CNGB1: variants seen among roughly 807,000 people sequenced by gnomAD.
CNGB1 encodes the protein cyclic nucleotide-gated channel beta-1.
In CNGB1, 126 loss-of-function variants were observed where a neutral mutation model predicts 151.7. The observed-to-expected ratio is 0.83, with a 90% CI of 0.72 to 0.96. The LOEUF (loss-of-function observed/expected upper bound fraction) is 0.96. Ranked by LOEUF, CNGB1 falls within the 40% of genes least tolerant of loss-of-function variation. The pLI is 0.00. For missense variants in CNGB1, 1,698 were observed against 1,627.0 expected, an observed-to-expected ratio of 1.04 and a Z score of -0.75; for synonymous variants, 623 against 635.1, an observed-to-expected ratio of 0.98 and a Z score of 0.29.
chr16:57,969,122 ATGG>A (rs1446337499), intron 1 of CNGB1, among the ~76,000 whole-genome samples: 1 of 152,142 alleles, frequency 6.6e-6, no homozygotes, highest in Admixed American at 6.6e-5. Flanking sequence ...CCTAGCCAAC[ATGG>A]TGAAACCCCA....
intron 1 of CNGB1, among the ~76,000 whole-genome samples, chr16:57,967,726 T>C (rs565870916): frequency 4.9e-4 from 75 of 152,106 alleles, no homozygotes; most frequent in African/African-American, 1.8e-3. Context: ...CACATACATA[T>C]ATATATTTGA....
In CNGB1 at chr16:57,919,116, C is replaced by T. The variant is rs955856871; in HGVS notation, c.1940G>A (p.Ser647Asn). ...RPWKKYQFPQSIDPLTNLMYV... is the reference protein window; with the variant it reads ...RPWKKYQFPQNIDPLTNLMYV... ...GGACTCACTGGTCAGCGGGTCAATGCTCTGGGGAAACTGGTACTTCTTCCA... is the reference window on the plus strand; with the variant it reads ...GGACTCACTGGTCAGCGGGTCAATGTTCTGGGGAAACTGGTACTTCTTCCA... The change falls in exon 20 of 33, where the codon AGC (serine) becomes AAC (asparagine). Residue 647 changes from serine (S) to asparagine (N), a missense_variant. Ser to Asn is a conservative substitution (Grantham distance 46, BLOSUM62 1). Coordinates refer to ENST00000251102, the MANE Select transcript of CNGB1 (RefSeq NM_001297.5). 15 of 1,614,104 alleles carry T rather than the reference C, an allele frequency of 9.3e-6. No individual in the cohort carries two copies. Among genetic ancestry groups the T allele is most frequent in the Non-Finnish European group, 1.3e-5 (15 of 1,180,060 alleles).
intron 14 of CNGB1, among the ~76,000 whole-genome samples, chr16:57,943,980 C>T (rs1961737519): frequency 6.6e-6 from 1 of 151,924 alleles, no homozygotes; most frequent in Non-Finnish European, 1.5e-5. Context: ...CTCAGCCTCC[C>T]GAGTTCAAGT....
In CNGB1 at chr16:57,883,923, TGA is replaced by T; in HGVS notation, c.*239_*240del. On this transcript the variant is annotated 3_prime_UTR_variant, in exon 33 of 33. Coordinates refer to ENST00000251102, the MANE Select transcript of CNGB1 (RefSeq NM_001297.5). ...AAAAGGTAGGGCTCTCAAATGATAG[TGA>T]GAGCTCAGGGACTCGAACACTTGAT... is the stretch of plus-strand genomic sequence containing the variant. 3 of 599,592 alleles carry T rather than the reference TGA, an allele frequency of 5.0e-6. No individual in the cohort carries two copies. The Admixed American group carries it at 8.9e-5, about 18-fold the overall frequency. The allele number at this position is 599,592 out of a possible 1,614,324, so 37.1% of individuals were successfully genotyped here. A position where few individuals can be genotyped will look rare whatever the true frequency, so the allele number is the denominator to read the frequency against.
At chr16:57,909,878 T>C (rs538788142) in intron 25 of CNGB1, among the ~76,000 whole-genome samples, 48 of 152,280 alleles carry the variant, frequency 3.2e-4, no homozygotes, top group African/African-American at 1.1e-3. Context: ...CGTGTAACCT[T>C]GGGAACTCCC....
intron 16 of CNGB1, among the ~76,000 whole-genome samples, chr16:57,934,405 A>G (rs1158619673): frequency 6.6e-6 from 1 of 152,144 alleles, no homozygotes; most frequent in Non-Finnish European, 1.5e-5. Flanking sequence ...ACTACACTCC[A>G]GCCTTAGCGA....
chr16:57,945,194 C>G (rs1436535248), intron 14 of CNGB1, among the ~76,000 whole-genome samples: 3 of 152,152 alleles, frequency 2.0e-5, no homozygotes, highest in East Asian at 1.9e-4. Flanking sequence ...GCTTAATGCT[C>G]TGTTTCACTG....
intron 19 of CNGB1, 113 bp from the exon 20 acceptor site, chr16:57,919,367 C>CCATT: frequency 6.3e-7 from 1 of 1,588,230 alleles, no homozygotes; most frequent in South Asian, 1.1e-5. Context: ...GACCCTGGCA[C>CCATT]CATTATACAA....
intron 19 of CNGB1, among the ~76,000 whole-genome samples, 181 bp downstream of exon 19, chr16:57,920,206 C>T (rs1960989949): frequency 6.6e-6 from 1 of 152,216 alleles, no homozygotes; most frequent in South Asian, 2.1e-4. Context: ...TTGATCTTCC[C>T]ACCCTTGGGT....
chr16:57,910,794 T>A (rs76589469), intron 25 of CNGB1, among the ~76,000 whole-genome samples: 22,155 of 150,108 alleles, frequency 0.15, 1,796 homozygotes, highest in Non-Finnish European at 0.17. Context: ...AAACCTTACA[T>A]GTATTGATTG....
intron 31 of CNGB1, among the ~76,000 whole-genome samples, chr16:57,894,398 C>G (rs1205765340): frequency 6.6e-6 from 1 of 152,126 alleles, no homozygotes; most frequent in Non-Finnish European, 1.5e-5. Flanking sequence ...GTGAGAAGTT[C>G]GAGACAAGCC....
intron 32 of CNGB1, among the ~76,000 whole-genome samples, chr16:57,885,878 G>A (rs1347373806): frequency 3.9e-5 from 6 of 152,124 alleles, no homozygotes; most frequent in Non-Finnish European, 8.8e-5. Context: ...ACAGGGGTGA[G>A]CCACCTGTGC....
chr16:57,916,361 G>A (rs1960868746), intron 21 of CNGB1, among the ~76,000 whole-genome samples, 182 bp from the exon 22 acceptor site: 1 of 152,134 alleles, frequency 6.6e-6, no homozygotes, highest in Non-Finnish European at 1.5e-5. Context: ...CCAGGGAGGA[G>A]GGATCTGTTC....
chr16:57,905,992 C>G (rs940843391), intron 25 of CNGB1, among the ~76,000 whole-genome samples: 1 of 152,230 alleles, frequency 6.6e-6, no homozygotes, highest in Admixed American at 6.5e-5. Flanking sequence ...CAGCAAGGGT[C>G]CCTCTGACAC....
chr16:57,902,460 T>A, intron 27 of CNGB1, among the ~76,000 whole-genome samples: 1 of 152,152 alleles, frequency 6.6e-6, no homozygotes, highest in East Asian at 1.9e-4. Flanking sequence ...CTTTGAACCC[T>A]GAAAAGCTAA....
At chr16:57,913,431 T>C (rs569100175) in intron 23 of CNGB1, among the ~76,000 whole-genome samples, 3 of 152,336 alleles carry the variant, frequency 2.0e-5, no homozygotes, top group African/African-American at 7.2e-5. Context: ...AGTATATTAA[T>C]AACTACTTTT....
intron 25 of CNGB1, among the ~76,000 whole-genome samples, chr16:57,910,701 G>T (rs1286835396): frequency 1.4e-5 from 1 of 73,982 alleles, no homozygotes; most frequent in African/African-American, 5.9e-5. Flanking sequence ...TTTTTCCCAA[G>T]CAGAGATTTT....
intron 14 of CNGB1, among the ~76,000 whole-genome samples, chr16:57,944,322 G>A (rs1961746734): frequency 6.6e-6 from 1 of 152,164 alleles, no homozygotes; most frequent in Non-Finnish European, 1.5e-5. Context: ...TACGTGGAGT[G>A]TAAAAAAGTT....
At chr16:57,950,810 G>T (rs112490674) in intron 12 of CNGB1, among the ~76,000 whole-genome samples, 2,432 of 152,314 alleles carry the variant, frequency 0.016, 57 homozygotes, top group African/African-American at 0.055. Flanking sequence ...GATCCTGTTT[G>T]TTTCTCACGG....
Sources: allele counts gnomAD v4.1 joint callset (sites outside exome capture counted in the v4.1 genomes callset), GRCh38; gene constraint gnomAD v4.1.1; transcripts MANE v1.5; gene names NCBI Gene and HGNC (gene_info 2026-07-23, HGNC 2026-07-21).